NRXN3: variants seen among roughly 807,000 people sequenced by gnomAD.
NRXN3 encodes the protein neurexin III.
Under a neutral mutation model 137.6 loss-of-function variants are expected in NRXN3, and 32 were observed. The ratio of observed to expected loss-of-function variants is 0.23; its 90% CI spans 0.18 to 0.31. NRXN3 has a LOEUF of 0.31. NRXN3 is among the 10% of genes least tolerant of loss of function. The pLI, the probability that NRXN3 is intolerant of heterozygous loss-of-function variation, is 1.00. For missense variants in NRXN3, 1,574 were observed against 2,062.5 expected, an observed-to-expected ratio of 0.76 and a Z score of 4.59; for synonymous variants, 798 against 784.5, an observed-to-expected ratio of 1.02 and a Z score of -0.29.
At chr14:79,303,876 C>T (rs1259747338) in intron 15 of NRXN3, among the ~76,000 whole-genome samples, 4 of 151,988 alleles carry the variant, frequency 2.6e-5, no homozygotes, top group African/African-American at 9.7e-5. Flanking sequence ...AATCTCTACA[C>T]TTTGAGATTT....
At chr14:79,762,943 C>G (rs557177073) in intron 19 of NRXN3, among the ~76,000 whole-genome samples, 1 of 151,516 alleles carries the variant, frequency 6.6e-6, no homozygotes, top group East Asian at 1.9e-4. Flanking sequence ...TAGGTATACA[C>G]GTGCCATGGT....
At chr14:79,501,684 A>G (rs1601305941) in intron 16 of NRXN3, among the ~76,000 whole-genome samples, 1 of 151,850 alleles carries the variant, frequency 6.6e-6, no homozygotes, top group Middle Eastern at 3.4e-3. Flanking sequence ...TTCCTATGAC[A>G]CCATTCCCTG....
chr14:78,225,859 CAT>C (rs1353956361), intron 1 of NRXN3, among the ~76,000 whole-genome samples: 1 of 152,118 alleles, frequency 6.6e-6, no homozygotes, highest in African/African-American at 2.4e-5. Context: ...TTACTGCTCA[CAT>C]GTCTATCTCT....
At chr14:79,801,449 C>T (rs749614892) in intron 19 of NRXN3, among the ~76,000 whole-genome samples, 14 of 152,154 alleles carry the variant, frequency 9.2e-5, no homozygotes, top group Non-Finnish European at 1.9e-4. Flanking sequence ...GAGTGGCTAT[C>T]AGGCTTGGAA....
At position 79,551,067 on chromosome 14, in the gene NRXN3, G is replaced by A. The variant is rs552474179; in HGVS notation, c.3444+83665G>A. On this transcript the variant is annotated intron_variant, in intron 16 of 20. Transcript: ENST00000335750. ...CAACTGGGTCGGCCTTGAAGAAGCCGCTTGCATTCTGAGTCTTGCTTTCCA... is the reference window on the plus strand; with the variant it reads ...CAACTGGGTCGGCCTTGAAGAAGCCACTTGCATTCTGAGTCTTGCTTTCCA... Among the ~76,000 whole-genome samples the A allele has an allele frequency of 3.3e-4, 51 of 152,250 alleles. No individual in the cohort carries two copies. The South Asian group carries it at 8.1e-3, about 24-fold the overall frequency.
At position 78,895,788 on chromosome 14, in the gene NRXN3, T is replaced by C. The variant is rs146166379; in HGVS notation, c.2276-61454T>C. On this transcript the variant is annotated intron_variant, in intron 10 of 20. Transcript: ENST00000335750. Reference sequence around the variant, plus strand: ...TGGGAGTATTAATTGGCCTAATTTCTATATTATTGTGTCTCAGGGAATAGG... The same window carrying C: ...TGGGAGTATTAATTGGCCTAATTTCCATATTATTGTGTCTCAGGGAATAGG... 2.1e-3 allele frequency among the ~76,000 whole-genome samples: 316 copies of C among 151,986 alleles called. 2 individuals are homozygous for C. Among genetic ancestry groups the C allele is most frequent in the African/African-American group, 7.1e-3 (293 of 41,530 alleles).
chr14:79,556,620 A>G (rs2097432339), intron 16 of NRXN3, among the ~76,000 whole-genome samples: 2 of 152,084 alleles, frequency 1.3e-5, no homozygotes, highest in Admixed American at 1.3e-4. Flanking sequence ...TAGTGATGCA[A>G]TCACAACCCA....
intron 3 of NRXN3, chr14:78,283,366 A>G (rs939081127): frequency 1.3e-4 from 20 of 152,200 alleles, no homozygotes; most frequent in African/African-American, 4.8e-4. Flanking sequence ...TGGGTTTTAC[A>G]TTTTTAAATG....
chr14:79,119,756 A>T (rs1042586837), intron 15 of NRXN3, among the ~76,000 whole-genome samples: 4 of 151,296 alleles, frequency 2.6e-5, no homozygotes, highest in African/African-American at 9.7e-5. Context: ...TCTTTTTTTC[A>T]TTTTTTCTAA....
chr14:78,273,541 T>G (rs142704462), intron 2 of NRXN3, among the ~76,000 whole-genome samples: 192 of 152,284 alleles, frequency 1.3e-3, no homozygotes, highest in African/African-American at 4.4e-3. Context: ...CCTTGCTGCC[T>G]CCCCATTTCT....
intron 8 of NRXN3, among the ~76,000 whole-genome samples, chr14:78,793,920 T>G (rs1595910991): frequency 6.6e-6 from 1 of 151,816 alleles, no homozygotes; most frequent in African/African-American, 2.4e-5. Context: ...TTCTTGGGAG[T>G]GCACAGTTTG....
At chr14:78,700,174 T>G (rs1436855845) in intron 6 of NRXN3, among the ~76,000 whole-genome samples, 4 of 152,242 alleles carry the variant, frequency 2.6e-5, no homozygotes, top group Non-Finnish European at 5.9e-5. Flanking sequence ...CTCCATGGTC[T>G]AGAGCTAAAG....
chr14:78,971,281 G>A (rs532672899), intron 14 of NRXN3, among the ~76,000 whole-genome samples: 1 of 152,066 alleles, frequency 6.6e-6, no homozygotes, highest in African/African-American at 2.4e-5. Context: ...GAGGACCACA[G>A]GAAACAGAAC....
chr14:78,936,866 GTC>G (rs1462941081), intron 10 of NRXN3, among the ~76,000 whole-genome samples: 2 of 151,934 alleles, frequency 1.3e-5, no homozygotes, highest in East Asian at 1.9e-4. Flanking sequence ...CATGCCTTTG[GTC>G]TCTCATCAAA....
intron 10 of NRXN3, among the ~76,000 whole-genome samples, chr14:78,879,401 G>A (rs963298753): frequency 1.3e-5 from 2 of 151,170 alleles, no homozygotes; most frequent in South Asian, 2.1e-4. Flanking sequence ...CTAATCTATA[G>A]TAATAGCTAA....
At chr14:78,374,685 G>A (rs1159798340) in intron 4 of NRXN3, among the ~76,000 whole-genome samples, 2 of 151,024 alleles carry the variant, frequency 1.3e-5, no homozygotes, top group Non-Finnish European at 2.9e-5. Context: ...CAGGAGAATT[G>A]CTTGTACCTG....
chr14:79,108,130 G>T (rs2052795074), intron 15 of NRXN3, among the ~76,000 whole-genome samples: 1 of 152,160 alleles, frequency 6.6e-6, no homozygotes, highest in Non-Finnish European at 1.5e-5. Flanking sequence ...ATATTAATGT[G>T]TATGGGGACA....
At chr14:79,155,154 A>G (rs1436756362) in intron 15 of NRXN3, among the ~76,000 whole-genome samples, 3 of 151,816 alleles carry the variant, frequency 2.0e-5, no homozygotes, top group Non-Finnish European at 4.4e-5. Context: ...TCCTTCATCA[A>G]TGGTGGAGCA....
chr14:78,388,809 T>G (rs1291021783), intron 4 of NRXN3, among the ~76,000 whole-genome samples: 1 of 152,200 alleles, frequency 6.6e-6, no homozygotes, highest in Non-Finnish European at 1.5e-5. Context: ...TAATTTTTCC[T>G]TCCCAATCAT....
Sources: allele counts gnomAD v4.1 joint callset (sites outside exome capture counted in the v4.1 genomes callset), GRCh38; gene constraint gnomAD v4.1.1; transcripts MANE v1.5; gene names NCBI Gene and HGNC (gene_info 2026-07-23, HGNC 2026-07-21).